RSF1: variants seen among roughly 807,000 people sequenced by gnomAD.
RSF1 encodes the protein remodeling and spacing factor 1.
Under a neutral mutation model 145.2 loss-of-function variants are expected in RSF1, and 13 were observed. That is an observed-to-expected ratio of 0.09 (90% CI 0.06 to 0.14). The LOEUF (loss-of-function observed/expected upper bound fraction) is 0.14. RSF1 is among the 10% of genes least tolerant of loss of function. The pLI, the probability that RSF1 is intolerant of heterozygous loss-of-function variation, is 1.00. For synonymous variants in RSF1, 577 were observed against 592.6 expected, an observed-to-expected ratio of 0.97 and a Z score of 0.38; for missense variants, 1,517 against 1,718.2, an observed-to-expected ratio of 0.88 and a Z score of 2.07.
At chr11:77,821,058 G>A (rs951803420), upstream of RSF1, 3 of 492,550 alleles carry the variant, frequency 6.1e-6, no homozygotes, top group Non-Finnish European at 1.1e-5. Context: ...CGGGAGGGGC[G>A]GGACTTCTCG....
chr11:77,666,912 A>G lies in RSF1; in HGVS notation c.*5T>C, dbSNP rs1182242854. ...ATAAATTAGCACAAAAATGGAAAAA[A>G]AGTCTTATAACTGTTCACTGTTACA... On this transcript the variant is annotated 3_prime_UTR_variant, in exon 16 of 16. Coordinates refer to ENST00000308488, the MANE Select transcript of RSF1 (RefSeq NM_016578.4). 4 of 1,505,306 alleles carry G rather than the reference A, an allele frequency of 2.7e-6. No homozygotes were observed. The highest frequency in any genetic ancestry group is 3.6e-6 in the Non-Finnish European group (4 of 1,123,490). 93.2% of individuals were successfully genotyped at this position (1,505,306 alleles called of 1,614,324 possible).
chr11:77,791,269 A>G (rs1429551677), intron 1 of RSF1, among the ~76,000 whole-genome samples: 1 of 152,186 alleles, frequency 6.6e-6, no homozygotes, highest in African/African-American at 2.4e-5. Flanking sequence ...CTCTGAAGCA[A>G]CAGCCCAAGC....
intron 5 of RSF1, 29 bp from the exon 6 acceptor site, chr11:77,702,524 G>C (rs1337774034): frequency 7.1e-7 from 1 of 1,405,492 alleles, no homozygotes; most frequent in African/African-American, 1.5e-5. Flanking sequence ...TTAATTACAT[G>C]AATAGAAACT....
At position 77,701,742 on chromosome 11, in the gene RSF1, CTTG is replaced by C; in HGVS notation, c.1484_1486del (p.Thr495del). 6.2e-7 allele frequency: 1 copy of C among 1,613,676 alleles called. No homozygotes were observed. Reference sequence around the variant, plus strand: ...TTTCTCAAGCTCACCTGTTTTCATACTTGTTATGACAGAATTTAAGGACTCTGT... The same window carrying C: ...TTTCTCAAGCTCACCTGTTTTCATACTTATGACAGAATTTAAGGACTCTGT... On this transcript the variant is annotated inframe_deletion, in exon 6 of 16. Transcript: ENST00000308488.
At chr11:77,740,308 G>A (rs1340128770) in intron 4 of RSF1, among the ~76,000 whole-genome samples, 1 of 152,230 alleles carries the variant, frequency 6.6e-6, no homozygotes, top group Non-Finnish European at 1.5e-5. Context: ...CTGGGAGATG[G>A]AGGTTACAGT....
intron 1 of RSF1, among the ~76,000 whole-genome samples, chr11:77,782,091 T>C (rs1948409882): frequency 6.6e-6 from 1 of 152,174 alleles, no homozygotes; most frequent in Admixed American, 6.5e-5. Context: ...ACCTATATCT[T>C]TATGTTTGAA....
At chr11:77,816,544 T>C (rs1224811855) in intron 1 of RSF1, among the ~76,000 whole-genome samples, 3 of 152,254 alleles carry the variant, frequency 2.0e-5, no homozygotes, top group African/African-American at 4.8e-5. Flanking sequence ...CAGCCAACCA[T>C]AGTATAAACT....
At chr11:77,763,877 AC>A (rs1207988722) in intron 2 of RSF1, 1 of 149,958 alleles carries the variant, frequency 6.7e-6, no homozygotes, top group East Asian at 2.0e-4. Context: ...GGCATCAGGG[AC>A]CAGTTTTGCG....
intron 5 of RSF1, among the ~76,000 whole-genome samples, chr11:77,707,397 G>A (rs1467845359): frequency 6.6e-6 from 1 of 152,160 alleles, no homozygotes; most frequent in Non-Finnish European, 1.5e-5. Flanking sequence ...AACCTACAAA[G>A]TGAGATTTGG....
chr11:77,764,430 G>A, intron 2 of RSF1, 168 bp downstream of exon 2: 2 of 560,046 alleles, frequency 3.6e-6, no homozygotes, highest in Non-Finnish European at 6.2e-6. Flanking sequence ...CTGCTACTAA[G>A]TAGTAGCAAA....
chr11:77,780,040 G>C (rs1161510578), intron 1 of RSF1, among the ~76,000 whole-genome samples: 1 of 152,166 alleles, frequency 6.6e-6, no homozygotes, highest in Non-Finnish European at 1.5e-5. Flanking sequence ...CCAATGCTGG[G>C]TGTTCCCAAA....
chr11:77,779,936 T>A (rs1201184819), intron 1 of RSF1, among the ~76,000 whole-genome samples: 1 of 152,204 alleles, frequency 6.6e-6, no homozygotes, highest in Non-Finnish European at 1.5e-5. Flanking sequence ...CAGTTCCCTC[T>A]ATTCTCACTC....
Position 77,676,945 on chromosome 11 carries a change from A to G in RSF1, c.3188T>C (p.Ile1063Thr), listed in dbSNP as rs1959722361. 7 of 1,613,790 alleles carry G rather than the reference A, an allele frequency of 4.3e-6. No homozygotes were observed. The highest frequency in any genetic ancestry group is 5.9e-6 in the Non-Finnish European group (7 of 1,179,790). Residue 1063 changes from isoleucine to threonine, a missense_variant, in exon 13 of 16, where the codon ATC becomes ACC. By Grantham distance (89) the Ile-to-Thr change is moderately conservative (BLOSUM62 -1). Around this residue, in one of 12 missense-constraint regions of RSF1, gnomAD observed 231 missense variants for 276.6 expected, o/e 0.84. Transcript: ENST00000308488. ...TCTTTCTTCATCCAAAATAGTAGAGATGTCTTTCCCACGATGACCTGTGAT... is the reference window on the plus strand; with the variant it reads ...TCTTTCTTCATCCAAAATAGTAGAGGTGTCTTTCCCACGATGACCTGTGAT... ...STITGHRGKD[I>T]STILDEERKE...
Position 77,685,091 on chromosome 11 carries a change from A to G in RSF1, c.2955+14T>C. On this transcript the variant is annotated intron_variant, in intron 10 of 15. Transcript: ENST00000308488. ...CAATCTCCCATTTAAAAACATTACA[A>G]ATCAGAAACTTACTTGTGGAGGAAT... 2 of 1,494,762 alleles carry G rather than the reference A, an allele frequency of 1.3e-6. No individual in the cohort carries two copies. Among genetic ancestry groups the G allele is most frequent in the Non-Finnish European group, 1.8e-6 (2 of 1,104,296 alleles). The allele number at this position is 1,494,762 out of a possible 1,614,324, so 92.6% of individuals were successfully genotyped here.
intron 1 of RSF1, among the ~76,000 whole-genome samples, chr11:77,785,925 CA>C (rs10661397): frequency 5.1e-3 from 191 of 37,104 alleles, no homozygotes; most frequent in Non-Finnish European, 6.8e-3. Context: ...GATTCTGTCT[CA>C]AAAAAAAAAA....
At chr11:77,791,002 C>T (rs1362505950) in intron 1 of RSF1, among the ~76,000 whole-genome samples, 2 of 152,224 alleles carry the variant, frequency 1.3e-5, no homozygotes, top group Admixed American at 1.3e-4. Context: ...CTTCTCACAG[C>T]TCCACTAGGC....
At chr11:77,813,712 G>T (rs576362946) in intron 1 of RSF1, 1 of 422,912 alleles carries the variant, frequency 2.4e-6, no homozygotes, top group Non-Finnish European at 4.6e-6. Context: ...CTTGTTCCTC[G>T]GCGAGAGCGA....
chr11:77,771,662 A>G (rs1160128061), intron 1 of RSF1, among the ~76,000 whole-genome samples: 1 of 152,222 alleles, frequency 6.6e-6, no homozygotes, highest in Non-Finnish European at 1.5e-5. Context: ...GCAGAGGTAG[A>G]TGAAGTTACT....
In RSF1 at chr11:77,756,878, G is replaced by C. The variant is rs1445763984; in HGVS notation, c.279+7720C>G. Among the ~76,000 whole-genome samples, 5 of 152,204 alleles carry C rather than the reference G, an allele frequency of 3.3e-5. No homozygotes were observed. The East Asian group carries it at 9.6e-4, about 29-fold the overall frequency. On this transcript the variant is annotated intron_variant, in intron 2 of 15. Coordinates refer to ENST00000308488, the MANE Select transcript of RSF1 (RefSeq NM_016578.4). ...AAAGATGGATTAAAAGACAGTCTCT[G>C]CTCCAAGAATTTCAGAATCCAGAGA...
Sources: gnomAD v4.1 joint callset for allele counts (sites outside exome capture counted in the v4.1 genomes callset) on GRCh38, gnomAD v4.1.1 for gene constraint, gnomAD v4.1.1 regional missense constraint, MANE v1.5 for transcripts, NCBI Gene and HGNC (gene_info 2026-07-23, HGNC 2026-07-21) for gene names.